Variants in TJP1 observed in about 807,000 individuals in gnomAD.
TJP1 encodes the protein tight junction protein 1.
Under a neutral mutation model 194.2 loss-of-function variants are expected in TJP1, and 43 were observed. That is an observed-to-expected ratio of 0.22 (90% CI 0.17 to 0.29). The LOEUF is 0.29. Among genes scored for constraint, TJP1 ranks in the 10% least tolerant of loss-of-function variants. The pLI is 1.00. For missense variants in TJP1, 1,971 were observed against 2,185.7 expected (o/e 0.90, Z 1.96); for synonymous variants, 801 against 779.0 (o/e 1.03, Z -0.47).
chr15:29,969,012 G>C (rs1166574225), upstream of TJP1: 1 of 147,658 alleles, frequency 6.8e-6, no homozygotes, highest in Non-Finnish European at 1.5e-5. Context: ...TCCCGCCGCC[G>C]CCGCCCCTTC....
At chr15:29,762,258 C>T in intron 6 of TJP1, 77 bp downstream of exon 6, 1 of 1,252,866 alleles carries the variant, frequency 8.0e-7, no homozygotes, top group East Asian at 2.4e-5. Context: ...CTGCTTCAAA[C>T]AAGAGCACAG....
intron 2 of TJP1, among the ~76,000 whole-genome samples, chr15:29,864,828 C>G (rs2052244916): frequency 6.6e-6 from 1 of 152,102 alleles, no homozygotes; most frequent in Non-Finnish European, 1.5e-5. Flanking sequence ...TTTTCTTGGC[C>G]TTACTCAGTA....
intron 1 of TJP1, among the ~76,000 whole-genome samples, chr15:29,808,199 T>TG (rs1261387955): frequency 6.6e-6 from 1 of 151,982 alleles, no homozygotes; most frequent in East Asian, 1.9e-4. Context: ...ACCCAGGAGG[T>TG]GGAGTTTGCA....
chr15:29,921,540 C>T (rs1339467185), intron 2 of TJP1, among the ~76,000 whole-genome samples: 5 of 152,164 alleles, frequency 3.3e-5, no homozygotes, highest in Non-Finnish European at 7.4e-5. Context: ...AGAGTAGGGA[C>T]GGAGGAGATG....
chr15:29,717,817 A>C (rs2151105305), intron 22 of TJP1, among the ~76,000 whole-genome samples: 1 of 152,298 alleles, frequency 6.6e-6, no homozygotes, highest in South Asian at 2.1e-4. Context: ...AAAGGTATAA[A>C]GATTTGTCAG....
chr15:29,740,337 T>C (rs1199558583), intron 10 of TJP1, among the ~76,000 whole-genome samples: 2 of 152,046 alleles, frequency 1.3e-5, no homozygotes, highest in Non-Finnish European at 2.9e-5. Context: ...AATAAAAAAC[T>C]AATTTGGGCT....
chr15:29,889,006 T>C (rs1255503765), intron 2 of TJP1, among the ~76,000 whole-genome samples: 2 of 152,216 alleles, frequency 1.3e-5, no homozygotes, highest in Admixed American at 6.5e-5. Context: ...CAAGGACTCC[T>C]GCTCCCCAAG....
At chr15:29,945,529 C>T (rs1353883284) in intron 2 of TJP1, among the ~76,000 whole-genome samples, 3 of 152,154 alleles carry the variant, frequency 2.0e-5, no homozygotes, top group Non-Finnish European at 4.4e-5. Context: ...CCCAAAGCCA[C>T]ATGGAGGCCC....
Position 29,732,627 on chromosome 15 carries a change from C to T in TJP1, c.1921+4G>A. 6.2e-7 allele frequency: 1 copy of T among 1,613,782 alleles called. No individual in the cohort carries two copies. Among genetic ancestry groups the T allele is most frequent in the Non-Finnish European group, 8.5e-7 (1 of 1,179,876 alleles). On this transcript the variant is annotated splice_donor_region_variant and intron_variant, in intron 14 of 27. Transcript: ENST00000614355. ...ATTAGGTTAGTCTGTAGAAAATAAA[C>T]TACCTTCTCGAAGAACCACTCTTTC... is the stretch of plus-strand genomic sequence containing the variant.
chr15:29,890,569 C>A (rs893063414), intron 2 of TJP1, among the ~76,000 whole-genome samples: 7 of 152,072 alleles, frequency 4.6e-5, no homozygotes, highest in Admixed American at 3.3e-4. Context: ...CTGAAAAGAG[C>A]AAAGAGTAAT....
chr15:29,951,090 A>G (rs1226896441), intron 2 of TJP1, among the ~76,000 whole-genome samples: 1 of 152,182 alleles, frequency 6.6e-6, no homozygotes, highest in Non-Finnish European at 1.5e-5. Flanking sequence ...GGGTTGAGGG[A>G]GGAGGAGAAA....
chr15:29,748,333 G>A (rs1440560757), intron 8 of TJP1, among the ~76,000 whole-genome samples: 1 of 152,148 alleles, frequency 6.6e-6, no homozygotes, highest in Non-Finnish European at 1.5e-5. Context: ...GTTGAACAGT[G>A]ACATGTGGCT....
intron 2 of TJP1, among the ~76,000 whole-genome samples, chr15:29,913,602 T>C (rs1171282946): frequency 6.6e-6 from 1 of 152,156 alleles, no homozygotes; most frequent in African/African-American, 2.4e-5. Context: ...AAGTTTGCAG[T>C]GAGCAGAATA....
At chr15:29,869,731 T>TCAC (rs2052429571) in intron 2 of TJP1, among the ~76,000 whole-genome samples, 1 of 146,928 alleles carries the variant, frequency 6.8e-6, no homozygotes, top group Non-Finnish European at 1.5e-5. Context: ...CTGTGCCTCC[T>TCAC]CACTAGACTC....
At chr15:29,743,260 A>G (rs1425407633) in intron 8 of TJP1, among the ~76,000 whole-genome samples, 1 of 152,232 alleles carries the variant, frequency 6.6e-6, no homozygotes, top group Non-Finnish European at 1.5e-5. Flanking sequence ...GTGATTACAT[A>G]AAAATAAAGT....
chr15:29,876,905 C>T (rs1311786105), intron 2 of TJP1, among the ~76,000 whole-genome samples: 1 of 152,156 alleles, frequency 6.6e-6, no homozygotes, highest in African/African-American at 2.4e-5. Flanking sequence ...ACATTTATAC[C>T]TCCTAAGTGC....
At chr15:29,888,023 A>G (rs933268341) in intron 2 of TJP1, among the ~76,000 whole-genome samples, 3 of 152,222 alleles carry the variant, frequency 2.0e-5, no homozygotes, top group Non-Finnish European at 2.9e-5. Flanking sequence ...TCACAGGGAA[A>G]AAAACTGAAA....
chr15:29,830,651 A>C (rs957301103), intron 2 of TJP1, among the ~76,000 whole-genome samples: 6 of 152,004 alleles, frequency 3.9e-5, no homozygotes, highest in African/African-American at 1.4e-4. Context: ...AAGATTTTGC[A>C]ATTCTAGTTT....
At chr15:29,968,256 C>T in intron 1 of TJP1, 3 of 985,328 alleles carry the variant, frequency 3.0e-6, no homozygotes, top group African/African-American at 1.7e-5. Context: ...TAACTGAAAA[C>T]GCACACCGTG....
Sources: allele counts gnomAD v4.1 joint callset (sites outside exome capture counted in the v4.1 genomes callset), GRCh38; gene constraint gnomAD v4.1.1; transcripts MANE v1.5; gene names NCBI Gene and HGNC (gene_info 2026-07-23, HGNC 2026-07-21).